CAMKMT: variants seen among roughly 807,000 people sequenced by gnomAD.
CAMKMT encodes calmodulin-lysine N-methyltransferase, also known as CaM KMT.
A neutral mutation model predicts 48.0 loss-of-function variants in CAMKMT; 53 were observed. That is an observed-to-expected ratio of 1.10 (90% CI 0.89 to 1.39). The LOEUF is 1.39. CAMKMT is among the 40% of genes most tolerant of loss of function. The pLI is 0.00. For missense variants in CAMKMT, 428 were observed against 402.7 expected, an observed-to-expected ratio of 1.06 and a Z score of -0.54; for synonymous variants, 165 against 152.3, an observed-to-expected ratio of 1.08 and a Z score of -0.61.
intron 1 of CAMKMT, among the ~76,000 whole-genome samples, chr2:44,367,652 C>G (rs1368232676): frequency 8.1e-6 from 1 of 122,800 alleles, no homozygotes; most frequent in Non-Finnish European, 1.5e-5. Context: ...TCCTCTCTGG[C>G]AGGCAGATAT....
At chr2:44,492,073 C>G (rs1489789089) in intron 3 of CAMKMT, among the ~76,000 whole-genome samples, 2 of 152,034 alleles carry the variant, frequency 1.3e-5, no homozygotes, top group Non-Finnish European at 2.9e-5. Context: ...TTATTGTTCA[C>G]TTCATTTGAA....
intron 3 of CAMKMT, among the ~76,000 whole-genome samples, chr2:44,648,157 G>T (rs989542230): frequency 6.6e-6 from 1 of 151,898 alleles, no homozygotes. Flanking sequence ...AGAACATTAT[G>T]TATAGTATAA....
intron 3 of CAMKMT, among the ~76,000 whole-genome samples, chr2:44,516,852 C>A: frequency 6.6e-6 from 1 of 151,730 alleles, no homozygotes; most frequent in Non-Finnish European, 1.5e-5. Flanking sequence ...AGCGATTCTC[C>A]TGCCTCAGCC....
At chr2:44,767,753 G>A (rs538754913) in intron 10 of CAMKMT, among the ~76,000 whole-genome samples, 2 of 151,948 alleles carry the variant, frequency 1.3e-5, no homozygotes, top group Non-Finnish European at 2.9e-5. Context: ...AAAAAAAAGC[G>A]GGTCTTTACC....
intron 3 of CAMKMT, among the ~76,000 whole-genome samples, chr2:44,551,234 C>T (rs1005828096): frequency 3.3e-5 from 5 of 152,146 alleles, no homozygotes; most frequent in Non-Finnish European, 7.4e-5. Flanking sequence ...TACACAGTGT[C>T]ATGCAGTGCG....
intron 3 of CAMKMT, among the ~76,000 whole-genome samples, chr2:44,541,126 G>A (rs2880052): frequency 0.56 from 85,012 of 152,030 alleles, 25,558 homozygotes; most frequent in South Asian, 0.69. Context: ...ATGTTTTAAT[G>A]ACAGTATGGC....
At chr2:44,538,880 A>C (rs554642648) in intron 3 of CAMKMT, among the ~76,000 whole-genome samples, 1 of 151,824 alleles carries the variant, frequency 6.6e-6, no homozygotes, top group African/African-American at 2.4e-5. Context: ...CATCTGTCCC[A>C]TTTATTATAT....
chr2:44,389,207 G>A (rs949956889), intron 2 of CAMKMT, among the ~76,000 whole-genome samples: 17 of 152,188 alleles, frequency 1.1e-4, no homozygotes, highest in African/African-American at 4.1e-4. Flanking sequence ...ATGGGGGTGA[G>A]ATTCCCAATA....
At chr2:44,467,329 C>G (rs913383785) in intron 3 of CAMKMT, among the ~76,000 whole-genome samples, 8 of 151,712 alleles carry the variant, frequency 5.3e-5, no homozygotes, top group Non-Finnish European at 7.4e-5. Context: ...ATCAGGAGTT[C>G]GAGACCAGCC....
intron 1 of CAMKMT, among the ~76,000 whole-genome samples, chr2:44,364,548 G>A (rs942786937): frequency 2.0e-5 from 3 of 152,106 alleles, no homozygotes; most frequent in African/African-American, 4.8e-5. Context: ...CCTAGCACAG[G>A]GCCTGGTTAA....
chr2:44,601,359 G>T (rs1329678501), intron 3 of CAMKMT, among the ~76,000 whole-genome samples: 1 of 152,082 alleles, frequency 6.6e-6, no homozygotes, highest in Admixed American at 6.5e-5. Flanking sequence ...GGGAGGCTGA[G>T]GCAGGAGAAT....
At chr2:44,758,844 AC>A (rs1364159413) in intron 9 of CAMKMT, among the ~76,000 whole-genome samples, 1 of 152,238 alleles carries the variant, frequency 6.6e-6, no homozygotes. Context: ...ATGACAACCA[AC>A]AAATGGTATC....
chr2:44,434,437 C>G (rs192078187), intron 3 of CAMKMT, among the ~76,000 whole-genome samples: 95 of 152,200 alleles, frequency 6.2e-4, no homozygotes, highest in East Asian at 3.9e-4. Flanking sequence ...TCAATATTAA[C>G]TCATTTAGGA....
chr2:44,681,631 C>A (rs1676027112), intron 3 of CAMKMT, among the ~76,000 whole-genome samples: 1 of 150,604 alleles, frequency 6.6e-6, no homozygotes, highest in South Asian at 2.1e-4. Flanking sequence ...ATTTGGAGTA[C>A]AATGAGATCG....
At chr2:44,637,078 G>A (rs1011523755) in intron 3 of CAMKMT, among the ~76,000 whole-genome samples, 1 of 152,206 alleles carries the variant, frequency 6.6e-6, no homozygotes, top group Non-Finnish European at 1.5e-5. Context: ...GTTGAAAACT[G>A]TCCTAAGGCT....
At chr2:44,771,515 G>A (rs1221033692) in intron 10 of CAMKMT, among the ~76,000 whole-genome samples, 1 of 152,108 alleles carries the variant, frequency 6.6e-6, no homozygotes. Flanking sequence ...TCAGAGAAAA[G>A]AATTTTTGAG....
intron 3 of CAMKMT, among the ~76,000 whole-genome samples, chr2:44,640,324 G>A (rs1673380624): frequency 6.6e-6 from 1 of 152,144 alleles, no homozygotes; most frequent in South Asian, 2.1e-4. Context: ...CTTTTATGTA[G>A]AGTTTTATTT....
At chr2:44,558,604 A>G (rs532613662) in intron 3 of CAMKMT, among the ~76,000 whole-genome samples, 1 of 152,278 alleles carries the variant, frequency 6.6e-6, no homozygotes, top group South Asian at 2.1e-4. Flanking sequence ...CACAGGCATA[A>G]AAAAGAAGGA....
chr2:44,476,321 A>G (rs1668686233), intron 3 of CAMKMT, among the ~76,000 whole-genome samples: 1 of 152,184 alleles, frequency 6.6e-6, no homozygotes, highest in Non-Finnish European at 1.5e-5. Context: ...AGATTATTGC[A>G]AATTCAAAAG....
Sources: gnomAD v4.1 joint callset for allele counts (sites outside exome capture counted in the v4.1 genomes callset) on GRCh38, gnomAD v4.1.1 for gene constraint, MANE v1.5 for transcripts, NCBI Gene and HGNC (gene_info 2026-07-23, HGNC 2026-07-21) for gene names.